HSD17B12: variants seen among roughly 807,000 people sequenced by gnomAD.
The protein encoded by HSD17B12 is very-long-chain 3-oxoacyl-CoA reductase.
HSD17B12 carries 32 observed loss-of-function variants against 39.3 expected under a neutral mutation model. The observed-to-expected ratio is 0.81, with a 90% CI of 0.61 to 1.09. The LOEUF (loss-of-function observed/expected upper bound fraction) is 1.09. Among genes scored for constraint, HSD17B12 ranks in the 50% least tolerant of loss-of-function variants. The pLI is 0.00. For missense variants in HSD17B12, 342 were observed against 382.9 expected (o/e 0.89, Z 0.89); for synonymous variants, 150 against 146.7 (o/e 1.02, Z -0.16).
chr11:43,713,955 C>T (rs556915132), intron 1 of HSD17B12, among the ~76,000 whole-genome samples: 1 of 152,312 alleles, frequency 6.6e-6, no homozygotes, highest in East Asian at 1.9e-4. Flanking sequence ...ATATCCTTCA[C>T]CCACTTGTTG....
At chr11:43,671,104 T>G in the HSD17B12 span, among the ~76,000 whole-genome samples, 1 of 152,228 alleles carries the variant, frequency 6.6e-6, no homozygotes, top group African/African-American at 2.4e-5. Context: ...CCTACAGTTA[T>G]GCTGGAAATA....
chr11:43,582,273 AAGC>A, the HSD17B12 span, among the ~76,000 whole-genome samples: 16 of 152,224 alleles, frequency 1.1e-4, no homozygotes, highest in Admixed American at 5.9e-4. Context: ...GCAGGAACAG[AAGC>A]AGCAGCAGCA....
the HSD17B12 span, among the ~76,000 whole-genome samples, chr11:43,624,882 A>T: frequency 6.6e-6 from 1 of 151,846 alleles, no homozygotes; most frequent in Non-Finnish European, 1.5e-5. Context: ...AAGGCCTGTC[A>T]TATGTCCTAA....
chr11:43,786,244 C>A (rs1335654415), intron 3 of HSD17B12, among the ~76,000 whole-genome samples: 1 of 152,160 alleles, frequency 6.6e-6, no homozygotes, highest in African/African-American at 2.4e-5. Context: ...GTATTAGGAA[C>A]ACAGAAAAAG....
the HSD17B12 span, among the ~76,000 whole-genome samples, chr11:43,575,076 C>T: frequency 3.3e-5 from 5 of 152,206 alleles, no homozygotes; most frequent in Non-Finnish European, 7.3e-5. The surrounding 1 kb of genome is among the most constrained non-coding windows in gnomAD (Gnocchi z 4.1). Context: ...CCCTTTCCCC[C>T]ACACAGGGGA....
rs376469605 is a variant in HSD17B12 at position 43,815,431 on chromosome 11, T to C, written c.392-6T>C. ...TTACTCAGCTAATCATCTTGTTCTA[T>C]TTCAGTGAACAACGTGGGAATGTCG... On this transcript the variant is annotated splice_polypyrimidine_tract_variant and splice_region_variant and intron_variant, in intron 4 of 10. Transcript: ENST00000278353. 1.7e-4 allele frequency: 264 copies of C among 1,554,172 alleles called. 1 individual carries two copies. Among genetic ancestry groups the C allele is most frequent in the Middle Eastern group, 1.2e-3 (7 of 5,920 alleles).
At chr11:43,738,804 ACCAGC>A (rs1425374469) in intron 1 of HSD17B12, among the ~76,000 whole-genome samples, 2 of 152,232 alleles carry the variant, frequency 1.3e-5, no homozygotes, top group East Asian at 3.8e-4. Context: ...CCAAAGGACG[ACCAGC>A]ATGGCTAGAT....
chr11:43,563,767 A>G, the HSD17B12 span, among the ~76,000 whole-genome samples: 1 of 152,186 alleles, frequency 6.6e-6, no homozygotes, highest in Non-Finnish European at 1.5e-5. Flanking sequence ...GCAGTGAGCT[A>G]TGATCGTGCC....
the HSD17B12 span, among the ~76,000 whole-genome samples, chr11:43,586,799 A>C: frequency 3.9e-5 from 6 of 152,248 alleles, no homozygotes; most frequent in Admixed American, 1.3e-4. Context: ...TCTTCAGAAC[A>C]TGGGAATAGT....
At chr11:43,587,305 C>G in the HSD17B12 span, among the ~76,000 whole-genome samples, 1 of 114,508 alleles carries the variant, frequency 8.7e-6, no homozygotes, top group African/African-American at 3.3e-5. Flanking sequence ...GACCTTGTCC[C>G]CAGCAAAAAG....
chr11:43,613,307 G>A, the HSD17B12 span, among the ~76,000 whole-genome samples: 1 of 151,878 alleles, frequency 6.6e-6, no homozygotes, highest in Non-Finnish European at 1.5e-5. Flanking sequence ...TATGGAAACT[G>A]CTTGAGCCTA....
chr11:43,667,418 C>T, the HSD17B12 span, among the ~76,000 whole-genome samples: 1 of 152,182 alleles, frequency 6.6e-6, no homozygotes, highest in Non-Finnish European at 1.5e-5. Context: ...TCCCAAAATG[C>T]TGGGATGAAC....
chr11:43,682,276 G>C (rs990162377), intron 1 of HSD17B12, among the ~76,000 whole-genome samples: 1 of 152,202 alleles, frequency 6.6e-6, no homozygotes, highest in African/African-American at 2.4e-5. Context: ...TGTTCAGCTG[G>C]GTGTGATGGC....
At chr11:43,677,813 G>T (rs1949704808), upstream of HSD17B12, among the ~76,000 whole-genome samples, 1 of 152,202 alleles carries the variant, frequency 6.6e-6, no homozygotes, top group African/African-American at 2.4e-5. Flanking sequence ...TGGTGTATAT[G>T]TGCCACTTTT....
intron 9 of HSD17B12, among the ~76,000 whole-genome samples, chr11:43,845,172 CAG>C (rs945138037): frequency 5.9e-5 from 9 of 152,272 alleles, no homozygotes; most frequent in Middle Eastern, 3.4e-3. Flanking sequence ...TTTGTTGAGA[CAG>C]GGTCTCACTT....
chr11:43,579,505 C>T, the HSD17B12 span: 2 of 152,280 alleles, frequency 1.3e-5, no homozygotes, highest in African/African-American at 2.4e-5. Context: ...CTCCCGTGGC[C>T]CCCAGACCGA....
the HSD17B12 span, among the ~76,000 whole-genome samples, chr11:43,642,227 A>G: frequency 6.6e-6 from 1 of 151,758 alleles, no homozygotes; most frequent in Non-Finnish European, 1.5e-5. Flanking sequence ...GTTCATTTCT[A>G]GAATACGTTT....
chr11:43,561,171 G>A, the HSD17B12 span, among the ~76,000 whole-genome samples: 2 of 152,174 alleles, frequency 1.3e-5, no homozygotes, highest in Non-Finnish European at 2.9e-5. Flanking sequence ...TGACTGATCT[G>A]TACTTAGGTT....
chr11:43,769,494 C>T (rs1420745752), intron 3 of HSD17B12, among the ~76,000 whole-genome samples: 1 of 152,186 alleles, frequency 6.6e-6, no homozygotes, highest in African/African-American at 2.4e-5. Flanking sequence ...TTCAATTGCC[C>T]ATCACCTAAT....
Sources: gnomAD v4.1 joint callset for allele counts (sites outside exome capture counted in the v4.1 genomes callset) on GRCh38, gnomAD v4.1.1 for gene constraint, Gnocchi (gnomAD v3.1) non-coding constraint, MANE v1.5 for transcripts, NCBI Gene and HGNC (gene_info 2026-07-23, HGNC 2026-07-21) for gene names.